DOP1A: variants seen among roughly 807,000 people sequenced by gnomAD.
DOP1A encodes the protein DOP1 leucine zipper like protein A, also known as protein DOP1A.
In DOP1A, 90 loss-of-function variants were observed where a neutral mutation model predicts 267.6. The ratio of observed to expected loss-of-function variants is 0.34; its 90% CI spans 0.28 to 0.40. The LOEUF is 0.40. Among genes scored for constraint, DOP1A ranks in the 10% least tolerant of loss-of-function variants. The pLI is 1.00. For missense variants in DOP1A, 2,437 were observed against 2,900.4 expected (o/e 0.84, Z 3.67); for synonymous variants, 932 against 999.1 (o/e 0.93, Z 1.27).
chr6:83,115,176 C>T (rs749992283), intron 7 of DOP1A, among the ~76,000 whole-genome samples: 1 of 152,138 alleles, frequency 6.6e-6, no homozygotes. Context: ...GTACTTACAC[C>T]TTTGAGATTA....
At chr6:83,145,722 T>A (rs898381136) in intron 25 of DOP1A, 64 bp downstream of exon 25, 4 of 1,541,666 alleles carry the variant, frequency 2.6e-6, no homozygotes, top group Non-Finnish European at 2.6e-6. Flanking sequence ...CTGGTAAGAT[T>A]TTTTTTTGTA....
chr6:83,092,152 C>T (rs988367959), intron 1 of DOP1A, among the ~76,000 whole-genome samples: 2 of 151,612 alleles, frequency 1.3e-5, no homozygotes, highest in East Asian at 3.9e-4. Context: ...TGTGTGTATG[C>T]TGTGTGTGTG....
chr6:83,150,257 C>A (rs73749717), intron 27 of DOP1A, among the ~76,000 whole-genome samples: 6 of 152,036 alleles, frequency 3.9e-5, no homozygotes, highest in African/African-American at 1.2e-4. Flanking sequence ...GCCTGTAGTC[C>A]CAGCTACACA....
In DOP1A at chr6:83,122,912, C is replaced by G; in HGVS notation, c.1270C>G (p.Leu424Val). 6.4e-7 allele frequency: 1 copy of G among 1,569,900 alleles called. No homozygotes were observed. Among genetic ancestry groups the G allele is most frequent in the Non-Finnish European group, 8.6e-7 (1 of 1,161,718 alleles). Residue 424 changes from leucine to valine, a missense_variant, in exon 12 of 39, where the codon CTT becomes GTT. Coordinates refer to ENST00000349129, the MANE Select transcript of DOP1A (RefSeq NM_015018.4). ...AGCAGAGCTGATTAAAACTGCTAAC[C>G]TTCTCTTTAATTCCTTCGAACCTTA... ...KTAELIKTAN[L>V]LFNSFEPYYM...
chr6:83,112,980 T>G (rs1474338874), intron 6 of DOP1A, among the ~76,000 whole-genome samples: 1 of 152,134 alleles, frequency 6.6e-6, no homozygotes, highest in East Asian at 1.9e-4. Flanking sequence ...ATGAAGCTCT[T>G]TAATGACAAG....
chr6:83,110,034 T>C (rs534742261), intron 5 of DOP1A, 91 bp from the exon 6 acceptor site: 1 of 1,321,116 alleles, frequency 7.6e-7, no homozygotes, highest in East Asian at 2.5e-5. Context: ...GTAGCATGGG[T>C]GTTTGCATAC....
chr6:83,158,642 T>C lies in DOP1A; in HGVS notation c.6797+20T>C, dbSNP rs774866477. 14 of 1,565,382 alleles carry C rather than the reference T, an allele frequency of 8.9e-6. No homozygotes were observed. The Admixed American group carries it at 1.0e-4, about 11-fold the overall frequency. On this transcript the variant is annotated intron_variant, in intron 36 of 38. Coordinates refer to ENST00000349129, the MANE Select transcript of DOP1A (RefSeq NM_015018.4). ...TTCACGGTAATATGTAATTTAAATA[T>C]ATTGTTGTCCATTTTTTAATACCCT...
intron 38 of DOP1A, chr6:83,164,590 C>T (rs751520757): frequency 4.2e-6 from 6 of 1,426,012 alleles, no homozygotes; most frequent in Non-Finnish European, 5.8e-6. Flanking sequence ...TCACCTTAAA[C>T]AAGGTCTTCA....
intron 36 of DOP1A, among the ~76,000 whole-genome samples, chr6:83,159,253 A>T (rs1783614727): frequency 6.6e-6 from 1 of 152,034 alleles, no homozygotes. Flanking sequence ...TTATTTTTAT[A>T]TTTCTTGAAC....
At chr6:83,166,774 A>G (rs1053405540) in intron 38 of DOP1A, 2 of 1,078,522 alleles carry the variant, frequency 1.9e-6, no homozygotes, top group Non-Finnish European at 1.1e-6. Flanking sequence ...CATCTGCTTG[A>G]CCCACTAGGA....
chr6:83,147,169 GT>G, intron 25 of DOP1A, 66 bp from the exon 26 acceptor site: 1 of 747,034 alleles, frequency 1.3e-6, no homozygotes, highest in Non-Finnish European at 2.1e-6. Flanking sequence ...ATACAGAGTA[GT>G]TGCAACAATG....
chr6:83,166,005 C>G, intron 38 of DOP1A: 1 of 304,734 alleles, frequency 3.3e-6, no homozygotes, highest in Non-Finnish European at 6.3e-6. Flanking sequence ...TGCTTTGGAG[C>G]TTCTTTCAGT....
In DOP1A at chr6:83,147,229, T is replaced by C. The variant is rs1342776405; in HGVS notation, c.5677-7T>C. 2 of 1,441,250 alleles carry C rather than the reference T, an allele frequency of 1.4e-6. No homozygotes were observed. Among genetic ancestry groups the C allele is most frequent in the Non-Finnish European group, 1.9e-6 (2 of 1,049,600 alleles). The allele number at this position is 1,441,250 out of a possible 1,614,324, so 89.3% of individuals were successfully genotyped here. A position where few individuals can be genotyped will look rare whatever the true frequency, so the allele number is the denominator to read the frequency against. On this transcript the variant is annotated splice_polypyrimidine_tract_variant and splice_region_variant and intron_variant, in intron 25 of 38. Coordinates refer to ENST00000349129, the MANE Select transcript of DOP1A (RefSeq NM_015018.4). ...TTCACTACAAAATTGATTTCTTTTA[T>C]TTATAGAAACATCTTTCTTTGGAAG... is the stretch of plus-strand genomic sequence containing the variant.
At chr6:83,081,536 T>C (rs1768072731) in intron 1 of DOP1A, among the ~76,000 whole-genome samples, 1 of 152,034 alleles carries the variant, frequency 6.6e-6, no homozygotes, top group Non-Finnish European at 1.5e-5. Flanking sequence ...TCTCACCATA[T>C]ACAAAAATCA....
At chr6:83,151,212 G>A (rs1781603262) in intron 27 of DOP1A, among the ~76,000 whole-genome samples, 1 of 152,128 alleles carries the variant, frequency 6.6e-6, no homozygotes, top group South Asian at 2.1e-4. Context: ...GAGTGCAGTG[G>A]TTATTCACAG....
intron 24 of DOP1A, among the ~76,000 whole-genome samples, chr6:83,144,929 C>T (rs763271474): frequency 6.6e-4 from 99 of 149,554 alleles, no homozygotes; most frequent in Admixed American, 1.6e-3. Context: ...CATAGGGAGA[C>T]TCTGTCTCCA....
In DOP1A at chr6:83,103,273, G is replaced by A. The variant is rs574293846; in HGVS notation, c.320+2387G>A. On this transcript the variant is annotated intron_variant, in intron 4 of 38. Coordinates refer to ENST00000349129, the MANE Select transcript of DOP1A (RefSeq NM_015018.4). The stretch of plus-strand genomic sequence containing the variant: ...ACATCGTATGTTCTCACTTGTAAGC[G>A]AGAGCTAAGCTATGAGGATGCAAAA... Among the ~76,000 whole-genome samples the A allele has an allele frequency of 9.9e-5, 15 of 152,282 alleles. No individual in the cohort carries two copies. The South Asian group carries it at 2.9e-3, about 29-fold the overall frequency.
intron 27 of DOP1A, 147 bp from the exon 28 acceptor site, chr6:83,151,446 G>A (rs938518753): frequency 2.0e-6 from 1 of 499,916 alleles, no homozygotes; most frequent in East Asian, 3.3e-5. Flanking sequence ...ATGAATGTCA[G>A]TTGAGTCATA....
chr6:83,068,991 A>G (rs1018496567), intron 1 of DOP1A, among the ~76,000 whole-genome samples: 1 of 152,212 alleles, frequency 6.6e-6, no homozygotes, highest in African/African-American at 2.4e-5. Flanking sequence ...CAAACCAGAA[A>G]ATGTGACACC....
Sources: allele counts gnomAD v4.1 joint callset (sites outside exome capture counted in the v4.1 genomes callset), GRCh38; gene constraint gnomAD v4.1.1; transcripts MANE v1.5; gene names NCBI Gene and HGNC (gene_info 2026-07-23, HGNC 2026-07-21).